Variants in CYP2C19 observed in about 807,000 individuals in gnomAD.
The protein encoded by CYP2C19 is cytochrome P450 2C19.
CYP2C19 carries 59 observed loss-of-function variants against 40.9 expected under a neutral mutation model. The observed-to-expected ratio is 1.44, with a 90% confidence interval of 1.17 to 1.79. The LOEUF (loss-of-function observed/expected upper bound fraction) is 1.79, where lower values mean the gene tolerates loss of function less well. Among genes scored for constraint, CYP2C19 ranks in the 40% most tolerant of loss-of-function variants. The probability of loss-of-function intolerance (pLI) is 0.00; values close to 1 mark genes in which losing one functional copy is unlikely to be tolerated. For missense variants in CYP2C19, 754 were observed against 596.9 expected, an observed-to-expected ratio of 1.26 and a Z score of -2.74; for synonymous variants, 253 against 208.7, an observed-to-expected ratio of 1.21 and a Z score of -1.83.
intron 6 of CYP2C19, among the ~76,000 whole-genome samples, chr10:94,829,709 C>T (rs1168390156): frequency 6.6e-6 from 1 of 151,908 alleles, no homozygotes; most frequent in East Asian, 1.9e-4. Flanking sequence ...GAACTACGTT[C>T]CTTTGGAGGA....
chr10:94,764,642 G>A (rs1056574102), intron 1 of CYP2C19, among the ~76,000 whole-genome samples: 51 of 152,216 alleles, frequency 3.4e-4, no homozygotes, highest in African/African-American at 1.2e-3. Context: ...GTCCTCCGGA[G>A]GGGAACTCTT....
chr10:94,851,912 G>T (rs1364498609), intron 8 of CYP2C19, among the ~76,000 whole-genome samples: 1 of 152,224 alleles, frequency 6.6e-6, no homozygotes, highest in Non-Finnish European at 1.5e-5. Context: ...GCATGAACAT[G>T]ATGTTGAGGA....
At position 94,854,042 on chromosome 10, in the gene CYP2C19, G is replaced by A. The variant is rs1367717132; in HGVS notation, c.*1128G>A. On this transcript the variant is annotated 3_prime_UTR_variant, in exon 9 of 9. Transcript: ENST00000371321. ...TCTTTTTTCTTTTTTTTTTGAAATG[G>A]AGTCCCACTTTTGTTCCCCAGGCTG... Among the ~76,000 whole-genome samples the A allele has an allele frequency of 1.3e-5, 2 of 149,646 alleles. No individual in the cohort carries two copies. Among genetic ancestry groups the A allele is most frequent in the Non-Finnish European group, 3.0e-5 (2 of 67,508 alleles).
At chr10:94,783,373 A>G (rs1848502673) in intron 5 of CYP2C19, among the ~76,000 whole-genome samples, 1 of 152,110 alleles carries the variant, frequency 6.6e-6, no homozygotes, top group Admixed American at 6.6e-5. Context: ...GGAATGCTTT[A>G]CATGGAGGTG....
At chr10:94,816,841 T>C (rs1276854167) in intron 5 of CYP2C19, among the ~76,000 whole-genome samples, 6 of 149,788 alleles carry the variant, frequency 4.0e-5, no homozygotes, top group African/African-American at 1.5e-4. Flanking sequence ...TGGTTTTTTG[T>C]TCTTGTGATA....
At chr10:94,782,977 G>A (rs1210988509) in intron 5 of CYP2C19, among the ~76,000 whole-genome samples, 1 of 152,052 alleles carries the variant, frequency 6.6e-6, no homozygotes, top group Non-Finnish European at 1.5e-5. Context: ...AGGGCTTGGG[G>A]AGGGATAACA....
At chr10:94,833,185 A>C (rs1426065049) in intron 6 of CYP2C19, among the ~76,000 whole-genome samples, 1 of 152,208 alleles carries the variant, frequency 6.6e-6, no homozygotes, top group Non-Finnish European at 1.5e-5. Flanking sequence ...TTCCTAGTAT[A>C]AGGTTATATC....
intron 5 of CYP2C19, among the ~76,000 whole-genome samples, chr10:94,817,322 A>T (rs937607369): frequency 2.6e-5 from 4 of 151,070 alleles, no homozygotes; most frequent in Non-Finnish European, 4.4e-5. Context: ...TATTTCTCTG[A>T]TGGCCAGTGA....
intron 3 of CYP2C19, 78 bp downstream of exon 3, chr10:94,775,617 G>A: frequency 6.2e-7 from 1 of 1,609,650 alleles, no homozygotes; most frequent in Non-Finnish European, 8.5e-7. Context: ...ACATTTCAGG[G>A]GTGGCCAGAT....
At chr10:94,816,183 G>A (rs193190893) in intron 5 of CYP2C19, among the ~76,000 whole-genome samples, 7 of 151,564 alleles carry the variant, frequency 4.6e-5, no homozygotes, top group African/African-American at 1.7e-4. Context: ...AAGGGGGTAG[G>A]AAATAAAGTT....
intron 5 of CYP2C19, among the ~76,000 whole-genome samples, chr10:94,817,896 C>T (rs1315710816): frequency 6.6e-6 from 1 of 150,956 alleles, no homozygotes; most frequent in Admixed American, 6.6e-5. Flanking sequence ...ACCTGTAGTC[C>T]CAGCTACTTG....
chr10:94,797,366 T>G (rs1848704486), intron 5 of CYP2C19, among the ~76,000 whole-genome samples: 1 of 152,038 alleles, frequency 6.6e-6, no homozygotes, highest in Non-Finnish European at 1.5e-5. Flanking sequence ...TGGATAAGCT[T>G]TTTGATGTGC....
chr10:94,830,379 C>A (rs528848688), intron 6 of CYP2C19, among the ~76,000 whole-genome samples: 1 of 152,310 alleles, frequency 6.6e-6, no homozygotes, highest in East Asian at 1.9e-4. Flanking sequence ...TTAAGCCCAT[C>A]GGAAAAGCGC....
intron 5 of CYP2C19, among the ~76,000 whole-genome samples, chr10:94,795,417 G>A (rs1848669449): frequency 1.3e-5 from 2 of 151,968 alleles, no homozygotes; most frequent in Non-Finnish European, 2.9e-5. Flanking sequence ...TGGACATTTG[G>A]GTTGGTTCCA....
chr10:94,843,021 C>A lies in CYP2C19; in HGVS notation c.1146C>A (p.Pro382=), dbSNP rs1237633753. Residue 382 remains proline, a synonymous_variant, in exon 7 of 9, where the codon CCC becomes CCA. Transcript: ENST00000371321. Reference sequence around the variant, plus strand: ...TTAAATTCAGAAACTACCTCATTCCCAAGGTAAGTTTGTTTCTCCTACACT... The same window carrying A: ...TTAAATTCAGAAACTACCTCATTCCAAAGGTAAGTTTGTTTCTCCTACACT... The part of the protein sequence containing the change: ...CDVKFRNYLI[P]KGTTILTSLT... The A allele has an allele frequency of 4.3e-6, 7 of 1,614,116 alleles. No homozygotes were observed. Among genetic ancestry groups the A allele is most frequent in the Non-Finnish European group, 5.9e-6 (7 of 1,179,994 alleles).
chr10:94,829,526 C>G (rs1199122332), intron 6 of CYP2C19, among the ~76,000 whole-genome samples: 1 of 152,204 alleles, frequency 6.6e-6, no homozygotes, highest in Non-Finnish European at 1.5e-5. Flanking sequence ...AAGCACTTCT[C>G]TGTATTGGTT....
In CYP2C19 at chr10:94,817,288, A is replaced by G. The variant is rs1432177771; in HGVS notation, c.820-3208A>G. Among the ~76,000 whole-genome samples the G allele has an allele frequency of 2.4e-3, 364 of 150,178 alleles. 1 individual carries two copies. The highest frequency in any genetic ancestry group is 1.8e-3 in the Non-Finnish European group (124 of 67,506). On this transcript the variant is annotated intron_variant, in intron 5 of 8. Coordinates refer to ENST00000371321, the MANE Select transcript of CYP2C19 (RefSeq NM_000769.4). ...TTGCCATTCTAACTGGTGTGAGATG[A>G]TATCTCATTGTGGTTTTGATTTGTA...
chr10:94,838,318 G>C (rs1849436520), intron 6 of CYP2C19, among the ~76,000 whole-genome samples: 1 of 152,162 alleles, frequency 6.6e-6, no homozygotes, highest in South Asian at 2.1e-4. Flanking sequence ...TGAGATACCA[G>C]AGATTGCCAA....
intron 5 of CYP2C19, among the ~76,000 whole-genome samples, chr10:94,798,814 A>ATTTTTTTTTTTT (rs61240923): frequency 1.2e-3 from 80 of 67,672 alleles, no homozygotes; most frequent in Admixed American, 1.9e-3. Flanking sequence ...GCAACCCCTG[A>ATTTTTTTTTTTT]TTTTTTTTTT....
Sources: allele counts gnomAD v4.1 joint callset (sites outside exome capture counted in the v4.1 genomes callset), GRCh38; gene constraint gnomAD v4.1.1; transcripts MANE v1.5; gene names NCBI Gene and HGNC (gene_info 2026-07-23, HGNC 2026-07-21).